Variants in TLCD4 observed in about 807,000 individuals in gnomAD.
TLCD4 encodes TLC domain-containing protein 4.
A neutral mutation model predicts 24.2 loss-of-function variants in TLCD4; 7 were observed. The observed-to-expected ratio is 0.29, with a 90% CI of 0.16 to 0.54. The LOEUF (loss-of-function observed/expected upper bound fraction) is 0.54, where lower values mean the gene tolerates loss of function less well. Ranked by LOEUF, TLCD4 falls within the 20% of genes least tolerant of loss-of-function variation. TLCD4 has a pLI of 0.95. For missense variants in TLCD4, 259 were observed against 313.9 expected, an observed-to-expected ratio of 0.82 and a Z score of 1.32; for synonymous variants, 103 against 106.4, an observed-to-expected ratio of 0.97 and a Z score of 0.20.
At chr1:95,139,584 G>C (rs978180048) in intron 1 of TLCD4, among the ~76,000 whole-genome samples, 1 of 148,574 alleles carries the variant, frequency 6.7e-6, no homozygotes, top group African/African-American at 2.5e-5. Flanking sequence ...TCAGCCTCCT[G>C]AGTTGGTGAG....
intron 5 of TLCD4, among the ~76,000 whole-genome samples, chr1:95,153,873 G>T (rs1557686259): frequency 6.6e-6 from 1 of 152,146 alleles, no homozygotes; most frequent in Non-Finnish European, 1.5e-5. Flanking sequence ...GTGGAAGGGG[G>T]AGTAGACTTA....
upstream of TLCD4, among the ~76,000 whole-genome samples, chr1:95,115,247 TA>T (rs1188850976): frequency 9.2e-5 from 14 of 151,894 alleles, no homozygotes; most frequent in African/African-American, 3.4e-4. Flanking sequence ...GCTGAGATTA[TA>T]GGCAAGCACC....
At chr1:95,128,461 G>T (rs1676802052) in intron 1 of TLCD4, among the ~76,000 whole-genome samples, 1 of 152,078 alleles carries the variant, frequency 6.6e-6, no homozygotes, top group Non-Finnish European at 1.5e-5. Context: ...AAGAAAATAG[G>T]AATAAAAGTT....
chr1:95,149,371 T>C (rs1028915547), intron 3 of TLCD4, among the ~76,000 whole-genome samples: 18 of 152,288 alleles, frequency 1.2e-4, no homozygotes, highest in African/African-American at 3.9e-4. Flanking sequence ...TTCCTGGTGT[T>C]ATATGAGAAG....
At chr1:95,101,589 T>C in the TLCD4 span, among the ~76,000 whole-genome samples, 6 of 152,160 alleles carry the variant, frequency 3.9e-5, no homozygotes, top group Non-Finnish European at 8.8e-5. Flanking sequence ...TGCAGAGCTC[T>C]GTGTTCTACC....
Position 95,197,575 on chromosome 1 carries a change from AAAAC to A in TLCD4, c.*5710_*5713del, listed in dbSNP as rs2101038559. 6.6e-6 allele frequency: 1 copy of A among 152,310 alleles called. No individual in the cohort carries two copies. Among genetic ancestry groups the A allele is most frequent in the South Asian group, 2.1e-4 (1 of 4,826 alleles). The allele number at this position is 152,310 out of a possible 1,614,324, so 9.4% of individuals were successfully genotyped here. Reference sequence around the variant, plus strand: ...TGCAAAGCTTTGTATTTTGTGGAAAAAAACAATAAAATCACAATTATTTAGTGCA... The same window carrying A: ...TGCAAAGCTTTGTATTTTGTGGAAAAAATAAAATCACAATTATTTAGTGCA... On this transcript the variant is annotated 3_prime_UTR_variant, in exon 7 of 7. Transcript: ENST00000370203.
chr1:95,107,584 T>G, the TLCD4 span, among the ~76,000 whole-genome samples: 1 of 152,158 alleles, frequency 6.6e-6, no homozygotes, highest in Non-Finnish European at 1.5e-5. Context: ...CTCTTTATAC[T>G]AAGGAATACT....
chr1:95,096,592 T>G, the TLCD4 span, among the ~76,000 whole-genome samples: 1 of 152,238 alleles, frequency 6.6e-6, no homozygotes, highest in Non-Finnish European at 1.5e-5. Context: ...GTTTTTAAAC[T>G]AGATAATATT....
At chr1:95,097,691 A>T in the TLCD4 span, among the ~76,000 whole-genome samples, 1 of 152,210 alleles carries the variant, frequency 6.6e-6, no homozygotes, top group Non-Finnish European at 1.5e-5. Context: ...AAGGAACTGT[A>T]TTGTAGACTC....
At position 95,121,423 on chromosome 1, in the gene TLCD4, C is replaced by G. The variant is rs563723458; in HGVS notation, c.-12+3806C>G. 6.6e-5 allele frequency among the ~76,000 whole-genome samples: 10 copies of G among 152,332 alleles called. No individual in the cohort carries two copies. The South Asian group carries it at 1.7e-3, about 25-fold the overall frequency. On this transcript the variant is annotated intron_variant, in intron 1 of 6. Coordinates refer to ENST00000370203, the MANE Select transcript of TLCD4 (RefSeq NM_152487.3). ...GTGTTTTGAAACCCCATTTGCTGAT[C>G]AAACTCATTAGGAAGTTGGCTGCTT...
chr1:95,122,391 C>T (rs186118374), intron 1 of TLCD4, among the ~76,000 whole-genome samples: 7 of 152,224 alleles, frequency 4.6e-5, no homozygotes, highest in Non-Finnish European at 7.4e-5. Flanking sequence ...CAAAAGTACA[C>T]GGGTATCAGA....
chr1:95,144,196 C>A, intron 2 of TLCD4, 140 bp downstream of exon 2: 1 of 1,085,618 alleles, frequency 9.2e-7, no homozygotes, highest in Non-Finnish European at 1.2e-6. Context: ...AAAGGAAAAA[C>A]AAGTAGATGA....
the TLCD4 span, among the ~76,000 whole-genome samples, chr1:95,099,053 C>A: frequency 5.9e-4 from 42 of 70,648 alleles, no homozygotes; most frequent in Admixed American, 9.1e-4. Context: ...AACTCTGTCT[C>A]AAAAAAAAAA....
chr1:95,166,877 C>T (rs993484468), intron 5 of TLCD4, among the ~76,000 whole-genome samples: 10 of 151,776 alleles, frequency 6.6e-5, no homozygotes, highest in Admixed American at 3.9e-4. Flanking sequence ...TATAGGCACA[C>T]GCCACCATGC....
intron 6 of TLCD4, among the ~76,000 whole-genome samples, chr1:95,174,390 C>T (rs1678343051): frequency 6.6e-6 from 1 of 151,370 alleles, no homozygotes; most frequent in Non-Finnish European, 1.5e-5. Flanking sequence ...CTACTTTTAG[C>T]TGGGCTCAGG....
intron 5 of TLCD4, among the ~76,000 whole-genome samples, chr1:95,167,940 C>T (rs1678077236): frequency 6.6e-6 from 1 of 152,184 alleles, no homozygotes; most frequent in Non-Finnish European, 1.5e-5. Flanking sequence ...CCCACTTTCT[C>T]TCGTAAACTG....
intron 1 of TLCD4, among the ~76,000 whole-genome samples, chr1:95,132,321 G>A (rs549317981): frequency 6.6e-6 from 1 of 152,012 alleles, no homozygotes; most frequent in Non-Finnish European, 1.5e-5. Flanking sequence ...GCCAGGCGTG[G>A]TGGCACACGT....
At chr1:95,181,441 C>T (rs1331746379) in intron 6 of TLCD4, among the ~76,000 whole-genome samples, 1 of 151,394 alleles carries the variant, frequency 6.6e-6, no homozygotes, top group Non-Finnish European at 1.5e-5. Flanking sequence ...CTTAATATGT[C>T]ATCAAAATAT....
chr1:95,106,302 A>AG, the TLCD4 span, among the ~76,000 whole-genome samples: 1 of 152,236 alleles, frequency 6.6e-6, no homozygotes. Flanking sequence ...TTTTCTACTT[A>AG]CCACAGAGAA....
Sources: allele counts gnomAD v4.1 joint callset (sites outside exome capture counted in the v4.1 genomes callset), GRCh38; gene constraint gnomAD v4.1.1; transcripts MANE v1.5; gene names NCBI Gene and HGNC (gene_info 2026-07-23, HGNC 2026-07-21).